Variants in GLB1L3 observed in about 807,000 individuals in gnomAD.
The protein encoded by GLB1L3 is beta-galactosidase-1-like protein 3.
GLB1L3 carries 89 observed loss-of-function variants against 89.5 expected under a neutral mutation model. That is an observed-to-expected ratio of 0.99 (90% confidence interval 0.84 to 1.19). The LOEUF (loss-of-function observed/expected upper bound fraction) is 1.19, where lower values mean the gene tolerates loss of function less well. Among genes scored for constraint, GLB1L3 ranks in the 50% most tolerant of loss-of-function variants. The pLI is 0.00. For missense variants in GLB1L3, 812 were observed against 813.3 expected (o/e 1.00, Z 0.02); for synonymous variants, 314 against 312.3 (o/e 1.01, Z -0.06).
intron 9 of GLB1L3, among the ~76,000 whole-genome samples, chr11:134,302,026 G>A (rs1384724639): frequency 2.6e-5 from 4 of 151,860 alleles, no homozygotes; most frequent in Admixed American, 6.6e-5. Flanking sequence ...TAATCATTAC[G>A]TTGTTGAAGC....
In GLB1L3 at chr11:134,293,217, AT is replaced by A; in HGVS notation, c.876+11del. 1.9e-6 allele frequency: 3 copies of A among 1,611,948 alleles called. No individual in the cohort carries two copies. Among genetic ancestry groups the A allele is most frequent in the Non-Finnish European group, 2.5e-6 (3 of 1,178,196 alleles). The stretch of plus-strand genomic sequence containing the variant: ...CAGCTTCATAAAGTCCAGGTAAGAC[AT>A]TTCAGACAGGCAGGGTTTTACAGCT... On this transcript the variant is annotated intron_variant, in intron 9 of 19. Transcript: ENST00000431683.
downstream of GLB1L3, among the ~76,000 whole-genome samples, chr11:134,322,602 A>G (rs1424929099): frequency 6.6e-6 from 1 of 152,152 alleles, no homozygotes; most frequent in African/African-American, 2.4e-5. Flanking sequence ...GCCCCTGGCA[A>G]CTATGAATTT....
chr11:134,313,323 A>G, intron 15 of GLB1L3, 73 bp from the exon 16 acceptor site: 1 of 1,144,828 alleles, frequency 8.7e-7, no homozygotes, highest in Non-Finnish European at 1.3e-6. Context: ...TGTGGGACTC[A>G]GTGAAAAAAC....
Position 134,319,056 on chromosome 11 carries a change from G to C in GLB1L3, c.*114G>C. The C allele has an allele frequency of 1.4e-6, 1 of 734,076 alleles. No homozygotes were observed. Among genetic ancestry groups the C allele is most frequent in the Non-Finnish European group, 2.3e-6 (1 of 430,094 alleles). The allele number at this position is 734,076 out of a possible 1,614,324, so 45.5% of individuals were successfully genotyped here. A position where few individuals can be genotyped will look rare whatever the true frequency, so the allele number is the denominator to read the frequency against. On this transcript the variant is annotated 3_prime_UTR_variant, in exon 20 of 20. Coordinates refer to ENST00000431683, the MANE Select transcript of GLB1L3 (RefSeq NM_001080407.3). ...TGCAAGCTCAGCCTCTCGGGTTCAC[G>C]CCATTCTCCTGCCTCAGCCTCCCCA...
Position 134,307,154 on chromosome 11 carries a change from T to A in GLB1L3, c.907T>A (p.Trp303Arg), listed in dbSNP as rs1565411103. 1 of 1,613,772 alleles carries A rather than the reference T, an allele frequency of 6.2e-7. No individual in the cohort carries two copies. The highest frequency in any genetic ancestry group is 8.5e-7 in the Non-Finnish European group (1 of 1,179,734). ...TAAGCCCCTTCTGATTATGGAATAC[T>A]GGGTCGGCTGGTTCGACAGATGGGG... ...RDKPLLIMEY[W>R]VGWFDRWGDK... The change falls in exon 10 of 20, where the codon TGG becomes AGG. Residue 303 changes from tryptophan (W) to arginine (R), a missense_variant. Physicochemically the swap from Trp to Arg is moderately radical, Grantham distance 101 (BLOSUM62 -3). This residue lies in a region of GLB1L3 where 618 missense variants were observed against 604.0 expected (regional missense o/e 1.02). Transcript: ENST00000431683.
In GLB1L3 at chr11:134,290,236, T is replaced by C. The variant is rs1355065756; in HGVS notation, c.729+1346T>C. Among the ~76,000 whole-genome samples, 3 of 152,134 alleles carry C rather than the reference T, an allele frequency of 2.0e-5. No individual in the cohort carries two copies. In the East Asian group the frequency reaches 5.8e-4, roughly 29 times the overall value. On this transcript the variant is annotated intron_variant, in intron 7 of 19. Transcript: ENST00000431683. ...TTAATCGGTTGTATTCAGCCAGCAT[T>C]ATTTAATCGGTTGTGTTCAGCCAGC...
chr11:134,320,945 G>A (rs894250112), downstream of GLB1L3, among the ~76,000 whole-genome samples: 2 of 137,158 alleles, frequency 1.5e-5, no homozygotes, highest in African/African-American at 5.6e-5. Context: ...ACATACTGTG[G>A]ATGTCTTGGG....
chr11:134,300,842 T>C (rs1941909654), intron 9 of GLB1L3, among the ~76,000 whole-genome samples: 1 of 152,188 alleles, frequency 6.6e-6, no homozygotes, highest in South Asian at 2.1e-4. Flanking sequence ...TTTTACCTAA[T>C]TACCTCTTTA....
In GLB1L3 at chr11:134,312,424, G is replaced by A. The variant is rs1181691989; in HGVS notation, c.1363G>A (p.Val455Ile). The A allele has an allele frequency of 1.2e-6, 2 of 1,613,608 alleles. No individual in the cohort carries two copies. The highest frequency in any genetic ancestry group is 1.3e-5 in the African/African-American group (1 of 74,932). Residue 455 changes from valine (V) to isoleucine (I), a missense_variant, in exon 14 of 20, where the codon GTC becomes ATC. By Grantham distance (29) the Val-to-Ile change is conservative. This residue lies in a region of GLB1L3 where 618 missense variants were observed against 604.0 expected (regional missense o/e 1.02). Coordinates refer to ENST00000431683, the MANE Select transcript of GLB1L3 (RefSeq NM_001080407.3). ...TGGGAGCGGCCAGTCCTACGGGCTT[G>A]TCCTGTATGAGAAGTCCATCTGCTC... ...NNGSGQSYGL[V>I]LYEKSICSGG...
In GLB1L3 at chr11:134,277,314, T is replaced by C. The variant is rs1328418019; in HGVS notation, c.24-12T>C. 6.2e-7 allele frequency: 1 copy of C among 1,613,858 alleles called. No homozygotes were observed. The highest frequency in any genetic ancestry group is 8.5e-7 in the Non-Finnish European group (1 of 1,179,860). Reference sequence around the variant, plus strand: ...ACCTTCCCCTTGTCACTGTTGTCCTTTCTCCTTTCAGCCCGTGTCTCTCCT... The same window carrying C: ...ACCTTCCCCTTGTCACTGTTGTCCTCTCTCCTTTCAGCCCGTGTCTCTCCT... On this transcript the variant is annotated splice_polypyrimidine_tract_variant and intron_variant, in intron 1 of 19. Coordinates refer to ENST00000431683, the MANE Select transcript of GLB1L3 (RefSeq NM_001080407.3).
chr11:134,288,586 C>A (rs948482421), intron 6 of GLB1L3, among the ~76,000 whole-genome samples: 1 of 152,136 alleles, frequency 6.6e-6, no homozygotes, highest in Non-Finnish European at 1.5e-5. Flanking sequence ...CTGGCAGTTA[C>A]GTACTGTAAC....
chr11:134,320,177 T>C (rs962139683), downstream of GLB1L3, among the ~76,000 whole-genome samples: 1 of 152,168 alleles, frequency 6.6e-6, no homozygotes, highest in Admixed American at 6.5e-5. Flanking sequence ...CTGTTAAATA[T>C]AGTGCCTAGG....
At chr11:134,312,117 T>G (rs1942761847) in intron 13 of GLB1L3, 1 of 527,710 alleles carries the variant, frequency 1.9e-6, no homozygotes, top group East Asian at 3.1e-5. Context: ...GTTAATCAGT[T>G]CTTAGGATTA....
chr11:134,313,937 G>A lies in GLB1L3; in HGVS notation c.1580-4G>A, dbSNP rs765748661. 1.1e-4 allele frequency: 183 copies of A among 1,596,972 alleles called. No homozygotes were observed. The highest frequency in any genetic ancestry group is 1.5e-4 in the Non-Finnish European group (178 of 1,165,446). ...TCTTTCCTGCCTCCCATCTGCATCT[G>A]CAGGAATAACTGGATCTGTCAGCAT... On this transcript the variant is annotated splice_polypyrimidine_tract_variant and splice_region_variant and intron_variant, in intron 16 of 19. Coordinates refer to ENST00000431683, the MANE Select transcript of GLB1L3 (RefSeq NM_001080407.3).
At chr11:134,308,469 A>ATGT (rs1156233944) in intron 10 of GLB1L3, among the ~76,000 whole-genome samples, 35 of 9,764 alleles carry the variant, frequency 3.6e-3, no homozygotes, top group Non-Finnish European at 5.0e-3. Flanking sequence ...CACCACCACC[A>ATGT]CCAAATACCA....
downstream of GLB1L3, among the ~76,000 whole-genome samples, chr11:134,319,967 G>T (rs915766777): frequency 2.6e-5 from 4 of 152,012 alleles, no homozygotes; most frequent in Admixed American, 2.6e-4. Flanking sequence ...TGTCTATCTG[G>T]CTATAGTCAA....
intron 7 of GLB1L3, among the ~76,000 whole-genome samples, chr11:134,289,455 G>C (rs1010870570): frequency 6.6e-6 from 1 of 152,058 alleles, no homozygotes; most frequent in Admixed American, 6.6e-5. Context: ...GGATCCGCAC[G>C]GTTCAAACCT....
chr11:134,298,550 G>T (rs536288147), intron 9 of GLB1L3, among the ~76,000 whole-genome samples: 1 of 152,186 alleles, frequency 6.6e-6, no homozygotes, highest in African/African-American at 2.4e-5. Context: ...GGACAGACCC[G>T]GTGGGAAGTA....
At chr11:134,318,795 A>G in intron 19 of GLB1L3, 48 bp downstream of exon 19, 1 of 1,544,540 alleles carries the variant, frequency 6.5e-7, no homozygotes, top group East Asian at 2.2e-5. Flanking sequence ...CTTTCAGATC[A>G]AAATGTGAGT....
Sources: gnomAD v4.1 joint callset for allele counts (sites outside exome capture counted in the v4.1 genomes callset) on GRCh38, gnomAD v4.1.1 for gene constraint, gnomAD v4.1.1 regional missense constraint, MANE v1.5 for transcripts, NCBI Gene and HGNC (gene_info 2026-07-23, HGNC 2026-07-21) for gene names.